Variants in MTUS2 observed in about 807,000 individuals in gnomAD.
MTUS2 encodes microtubule-associated tumor suppressor candidate 2.
A neutral mutation model predicts 114.1 loss-of-function variants in MTUS2; 40 were observed. The ratio of observed to expected loss-of-function variants is 0.35; its 90% CI spans 0.27 to 0.46. The LOEUF (loss-of-function observed/expected upper bound fraction) is 0.46. Ranked by LOEUF, MTUS2 falls within the 20% of genes least tolerant of loss-of-function variation. The pLI is 1.00. For synonymous variants in MTUS2, 688 were observed against 672.0 expected (o/e 1.02, Z -0.37); for missense variants, 1,679 against 1,705.4 (o/e 0.98, Z 0.27).
chr13:28,841,815 C>T (rs1809807), intron 2 of MTUS2, among the ~76,000 whole-genome samples: 123,169 of 151,934 alleles, frequency 0.81, 50,390 homozygotes, highest in African/African-American at 0.85. Flanking sequence ...GCCTCCTGAG[C>T]AGCTGGGATT....
intron 5 of MTUS2, among the ~76,000 whole-genome samples, chr13:29,210,091 C>T (rs1279116395): frequency 6.6e-6 from 1 of 152,060 alleles, no homozygotes; most frequent in African/African-American, 2.4e-5. Context: ...AAACATAATC[C>T]CAAACTTCCT....
rs555439620 is a variant in MTUS2, at chr13:29,135,646, T to A, written c.2644+34676T>A. Among the ~76,000 whole-genome samples, 30 of 151,250 alleles carry A rather than the reference T, an allele frequency of 2.0e-4. No homozygotes were observed. The South Asian group carries it at 5.2e-3, about 26-fold the overall frequency. ...ACTATCTTCTTTGTGTTTAGGTGAT[T>A]TTTTTTTTAGTAAAACATTTTAATT... On this transcript the variant is annotated intron_variant, in intron 5 of 15. Transcript: ENST00000612955.
intron 8 of MTUS2, among the ~76,000 whole-genome samples, chr13:29,371,762 G>A (rs1488788745): frequency 1.3e-5 from 2 of 152,024 alleles, no homozygotes; most frequent in Non-Finnish European, 2.9e-5. Flanking sequence ...AGATAGGCAG[G>A]AGAACTCTTA....
intron 2 of MTUS2, among the ~76,000 whole-genome samples, chr13:28,881,712 A>T (rs570623134): frequency 2.0e-5 from 3 of 152,134 alleles, no homozygotes; most frequent in African/African-American, 7.2e-5. Flanking sequence ...TTTAATTTGC[A>T]TTTCTCTGGT....
Position 29,157,288 on chromosome 13 carries a change from C to T in MTUS2, c.2644+56318C>T, listed in dbSNP as rs913010947. On this transcript the variant is annotated intron_variant, in intron 5 of 15. Coordinates refer to ENST00000612955, the MANE Select transcript of MTUS2 (RefSeq NM_001033602.4). ...TACCACTAGTAGAGTTAGCAAAATG[C>T]CGTCAAAGTAGTGCTAACAATTTGC... Among the ~76,000 whole-genome samples, 5 of 152,162 alleles carry T rather than the reference C, an allele frequency of 3.3e-5. No individual in the cohort carries two copies. In the East Asian group the frequency reaches 9.6e-4, roughly 29 times the overall value.
At chr13:29,483,439 G>A (rs560168517) in intron 10 of MTUS2, among the ~76,000 whole-genome samples, 17 of 152,214 alleles carry the variant, frequency 1.1e-4, no homozygotes, top group Admixed American at 7.8e-4. Flanking sequence ...CATGTGCTCC[G>A]GCTACACAGG....
intron 4 of MTUS2, among the ~76,000 whole-genome samples, chr13:29,048,718 C>A (rs1887749684): frequency 1.3e-5 from 2 of 152,204 alleles, no homozygotes; most frequent in Non-Finnish European, 2.9e-5. Flanking sequence ...AGTCCTCTTG[C>A]CTCAGCCTTC....
At chr13:29,311,153 A>G (rs1403281795) in intron 6 of MTUS2, among the ~76,000 whole-genome samples, 2 of 152,246 alleles carry the variant, frequency 1.3e-5, no homozygotes, top group African/African-American at 4.8e-5. Flanking sequence ...ATCCACGTCA[A>G]GTTTGTAAAC....
intron 5 of MTUS2, among the ~76,000 whole-genome samples, chr13:29,244,539 G>A (rs1896840435): frequency 6.6e-6 from 1 of 152,164 alleles, no homozygotes; most frequent in Non-Finnish European, 1.5e-5. Flanking sequence ...AAGGTGAGTG[G>A]CATGAACACA....
At chr13:28,879,329 A>T (rs938999531) in intron 2 of MTUS2, among the ~76,000 whole-genome samples, 1 of 152,258 alleles carries the variant, frequency 6.6e-6, no homozygotes, top group African/African-American at 2.4e-5. Context: ...CTGCTGGTGG[A>T]TAGGAAAACT....
intron 5 of MTUS2, among the ~76,000 whole-genome samples, chr13:29,108,867 G>T (rs1356097395): frequency 6.6e-6 from 1 of 152,136 alleles, no homozygotes; most frequent in Non-Finnish European, 1.5e-5. Context: ...TTAGGTAATT[G>T]ACAACCTTCT....
intron 11 of MTUS2, among the ~76,000 whole-genome samples, chr13:29,490,890 T>C (rs1882013953): frequency 6.6e-6 from 1 of 152,234 alleles, no homozygotes; most frequent in Admixed American, 6.5e-5. Context: ...TACCTAGTTA[T>C]TTTGCCATGA....
chr13:29,389,422 T>G (rs1232046708), intron 8 of MTUS2, among the ~76,000 whole-genome samples: 1 of 131,614 alleles, frequency 7.6e-6, no homozygotes, highest in African/African-American at 2.9e-5. Context: ...TGTGTGTGTA[T>G]GTATACACGT....
chr13:29,173,923 C>T (rs894080869), intron 5 of MTUS2, among the ~76,000 whole-genome samples: 4 of 152,110 alleles, frequency 2.6e-5, no homozygotes, highest in Non-Finnish European at 4.4e-5. Context: ...TTTAAAATCT[C>T]TCCTCCCTAT....
At chr13:29,009,540 A>C (rs969269815) in intron 2 of MTUS2, among the ~76,000 whole-genome samples, 1 of 152,200 alleles carries the variant, frequency 6.6e-6, no homozygotes, top group African/African-American at 2.4e-5. Context: ...AGGATGGAGA[A>C]TAGGTCATAT....
chr13:29,416,094 T>TTA (rs1310560237), intron 8 of MTUS2, among the ~76,000 whole-genome samples: 2 of 149,338 alleles, frequency 1.3e-5, no homozygotes, highest in Non-Finnish European at 3.0e-5. Flanking sequence ...TTTTTTTTTT[T>TTA]TTTTTTGTAT....
intron 7 of MTUS2, among the ~76,000 whole-genome samples, chr13:29,335,080 G>A (rs1305435512): frequency 6.6e-6 from 1 of 152,198 alleles, no homozygotes; most frequent in African/African-American, 2.4e-5. Context: ...CTGCCTGTGG[G>A]CCAGGCGGAA....
At chr13:28,824,131 T>C (rs1874101952) in intron 1 of MTUS2, among the ~76,000 whole-genome samples, 1 of 152,200 alleles carries the variant, frequency 6.6e-6, no homozygotes, top group African/African-American at 2.4e-5. Context: ...CTCACTTGCA[T>C]TCCTACCTAG....
At chr13:28,819,966 T>G (rs1207145164), upstream of MTUS2, among the ~76,000 whole-genome samples, 1 of 144,378 alleles carries the variant, frequency 6.9e-6, no homozygotes, top group Non-Finnish European at 1.5e-5. Context: ...TCTCGGCGAG[T>G]GCGTCTCCGG....
Sources: gnomAD v4.1 joint callset for allele counts (sites outside exome capture counted in the v4.1 genomes callset) on GRCh38, gnomAD v4.1.1 for gene constraint, MANE v1.5 for transcripts, NCBI Gene and HGNC (gene_info 2026-07-23, HGNC 2026-07-21) for gene names.